Variants in PCDH9 observed in about 807,000 individuals in gnomAD.
The protein encoded by PCDH9 is protocadherin 9.
A neutral mutation model predicts 70.6 loss-of-function variants in PCDH9; 24 were observed. That is an observed-to-expected ratio of 0.34 (90% confidence interval 0.25 to 0.48). The LOEUF (loss-of-function observed/expected upper bound fraction) is 0.48. Among genes scored for constraint, PCDH9 ranks in the 20% least tolerant of loss-of-function variants. The probability of loss-of-function intolerance (pLI) is 0.99; values close to 1 mark genes in which losing one functional copy is unlikely to be tolerated. For missense variants in PCDH9, 1,281 were observed against 1,503.6 expected, an observed-to-expected ratio of 0.85 and a Z score of 2.45; for synonymous variants, 562 against 558.5, an observed-to-expected ratio of 1.01 and a Z score of -0.09.
At chr13:66,452,901 G>T (rs999189257) in intron 4 of PCDH9, among the ~76,000 whole-genome samples, 1 of 151,926 alleles carries the variant, frequency 6.6e-6, no homozygotes, top group Non-Finnish European at 1.5e-5. Flanking sequence ...CTTCAGTCAA[G>T]ATAATCTTTT....
intron 3 of PCDH9, among the ~76,000 whole-genome samples, chr13:66,767,038 A>G (rs2079728596): frequency 6.6e-6 from 1 of 152,068 alleles, no homozygotes; most frequent in South Asian, 2.1e-4. Flanking sequence ...TAAATATATA[A>G]TGTTTAAAAT....
At chr13:66,629,702 T>G (rs1158403803) in intron 4 of PCDH9, among the ~76,000 whole-genome samples, 2 of 152,222 alleles carry the variant, frequency 1.3e-5, no homozygotes, top group Non-Finnish European at 2.9e-5. Context: ...AAACCAGAGC[T>G]GGCAGGGAGC....
chr13:66,597,608 A>T (rs1174692160), intron 4 of PCDH9, among the ~76,000 whole-genome samples: 1 of 151,702 alleles, frequency 6.6e-6, no homozygotes, highest in Non-Finnish European at 1.5e-5. Flanking sequence ...CAACAACAAG[A>T]CCCGAAACCA....
intron 3 of PCDH9, among the ~76,000 whole-genome samples, chr13:66,683,164 G>A (rs904830148): frequency 1.3e-5 from 2 of 152,090 alleles, no homozygotes; most frequent in Non-Finnish European, 2.9e-5. Context: ...GGCTTCAATG[G>A]TGATGTAAAG....
At chr13:66,322,632 A>G (rs1955774987) in intron 4 of PCDH9, among the ~76,000 whole-genome samples, 2 of 152,112 alleles carry the variant, frequency 1.3e-5, no homozygotes, top group Non-Finnish European at 2.9e-5. Context: ...ACTGCATGAT[A>G]GAATCCTTAT....
At chr13:67,159,621 A>C (rs2087902016) in intron 2 of PCDH9, among the ~76,000 whole-genome samples, 1 of 152,226 alleles carries the variant, frequency 6.6e-6, no homozygotes, top group South Asian at 2.1e-4. Context: ...CAGTTTATTT[A>C]AACATTCTCA....
chr13:66,571,259 C>T (rs574883663), intron 4 of PCDH9, among the ~76,000 whole-genome samples: 15 of 152,004 alleles, frequency 9.9e-5, no homozygotes, highest in South Asian at 2.1e-4. Flanking sequence ...TCCTCCCAGA[C>T]ATTTATTGTA....
Position 66,611,080 on chromosome 13 carries a change from G to A in PCDH9, c.3340+20130C>T, listed in dbSNP as rs573736614. On this transcript the variant is annotated intron_variant, in intron 4 of 4. Coordinates refer to ENST00000377865, the MANE Select transcript of PCDH9 (RefSeq NM_203487.3). ...GGTTTTCAGTAGAATGTTCAGGCAC[G>A]ATAAAATACCCATTAATGTCAAAAC... Among the ~76,000 whole-genome samples, 367 of 152,058 alleles carry A rather than the reference G, an allele frequency of 2.4e-3. 2 individuals carry two copies. The highest frequency in any genetic ancestry group is 3.7e-3 in the Non-Finnish European group (252 of 67,948).
chr13:66,755,579 G>T (rs2139236352), intron 3 of PCDH9, among the ~76,000 whole-genome samples: 1 of 152,118 alleles, frequency 6.6e-6, no homozygotes. Flanking sequence ...CTCTTACTTA[G>T]CTTTCTTTAA....
chr13:66,986,793 G>A (rs2083899976), intron 2 of PCDH9, among the ~76,000 whole-genome samples: 1 of 151,740 alleles, frequency 6.6e-6, no homozygotes, highest in Non-Finnish European at 1.5e-5. Flanking sequence ...CAAGATGATT[G>A]TTTCATTTTC....
At chr13:66,388,021 T>A (rs1336547540) in intron 4 of PCDH9, among the ~76,000 whole-genome samples, 3 of 152,200 alleles carry the variant, frequency 2.0e-5, no homozygotes, top group Admixed American at 6.5e-5. Flanking sequence ...TGGATGTCAG[T>A]CAAATCCCTT....
At position 66,845,515 on chromosome 13, in the gene PCDH9, C is replaced by T. The variant is rs145834486; in HGVS notation, c.3138+57989G>A. Among the ~76,000 whole-genome samples the T allele has an allele frequency of 3.4e-3, 515 of 152,314 alleles. 2 individuals carry two copies. Among genetic ancestry groups the T allele is most frequent in the Middle Eastern group, 0.014 (4 of 294 alleles). On this transcript the variant is annotated intron_variant, in intron 3 of 4. Coordinates refer to ENST00000377865, the MANE Select transcript of PCDH9 (RefSeq NM_203487.3). ...AAGAGTGAAGAGATGCCTGGGTCCA[C>T]AGCCATGGGTTGGGTGGCTATAGCT...
intron 2 of PCDH9, among the ~76,000 whole-genome samples, chr13:66,979,585 C>A (rs1382568976): frequency 6.6e-6 from 1 of 152,086 alleles, no homozygotes; most frequent in Non-Finnish European, 1.5e-5. Flanking sequence ...TACAAATATT[C>A]TATAGTGACT....
At chr13:66,480,416 A>G (rs1363931206) in intron 4 of PCDH9, among the ~76,000 whole-genome samples, 1 of 152,236 alleles carries the variant, frequency 6.6e-6, no homozygotes, top group African/African-American at 2.4e-5. Context: ...TACATAAACT[A>G]TGTTGAAATA....
At chr13:66,863,468 T>C (rs1275460518) in intron 3 of PCDH9, among the ~76,000 whole-genome samples, 4 of 152,086 alleles carry the variant, frequency 2.6e-5, no homozygotes, top group Non-Finnish European at 5.9e-5. Context: ...CTTGGTATAA[T>C]ACCCATTTTT....
intron 4 of PCDH9, among the ~76,000 whole-genome samples, chr13:66,521,691 C>T (rs1959997138): frequency 6.6e-6 from 1 of 151,996 alleles, no homozygotes; most frequent in Non-Finnish European, 1.5e-5. Flanking sequence ...TGATTCAATC[C>T]TCAAACTGCA....
In PCDH9 at chr13:66,484,596, C is replaced by T. The variant is rs77349360; in HGVS notation, c.3340+146614G>A. 4.6e-3 allele frequency among the ~76,000 whole-genome samples: 706 copies of T among 152,224 alleles called. 30 individuals carry two copies. The East Asian group carries it at 0.091, about 20-fold the overall frequency. On this transcript the variant is annotated intron_variant, in intron 4 of 4. Transcript: ENST00000377865. The stretch of plus-strand genomic sequence containing the variant: ...AATTACAGTTTCCTAGCTTTCTTGC[C>T]ATTGATACTGAGAAAGAAACTCTAA...
intron 4 of PCDH9, among the ~76,000 whole-genome samples, chr13:66,325,447 A>G (rs184266798): frequency 1.1e-4 from 17 of 152,174 alleles, no homozygotes; most frequent in African/African-American, 2.9e-4. Context: ...TCTAGAAGCC[A>G]AAATAATTTT....
chr13:67,007,118 T>C (rs1026133086), intron 2 of PCDH9, among the ~76,000 whole-genome samples: 2 of 150,366 alleles, frequency 1.3e-5, no homozygotes, highest in Non-Finnish European at 3.0e-5. Flanking sequence ...ATTTTTTTTT[T>C]CTGGAAAATT....
Sources: allele counts gnomAD v4.1 joint callset (sites outside exome capture counted in the v4.1 genomes callset), GRCh38; gene constraint gnomAD v4.1.1; transcripts MANE v1.5; gene names NCBI Gene and HGNC (gene_info 2026-07-23, HGNC 2026-07-21).